Variants in CTNNB1 observed in about 807,000 individuals in gnomAD.
CTNNB1 encodes catenin beta 1.
In CTNNB1, 6 loss-of-function variants were observed where a neutral mutation model predicts 82.5. The ratio of observed to expected loss-of-function variants is 0.07; its 90% CI spans 0.04 to 0.14. The LOEUF (loss-of-function observed/expected upper bound fraction) is 0.14. Among genes scored for constraint, CTNNB1 ranks in the 10% least tolerant of loss-of-function variants. CTNNB1 has a pLI of 1.00. For missense variants in CTNNB1, 529 were observed against 980.4 expected (o/e 0.54, Z 6.15); for synonymous variants, 312 against 329.7 (o/e 0.95, Z 0.58).
intron 1 of CTNNB1, among the ~76,000 whole-genome samples, chr3:41,215,581 T>G (rs75263540): frequency 0.03 from 4,525 of 152,196 alleles, 108 homozygotes; most frequent in African/African-American, 0.068. Flanking sequence ...TTTCTAAATG[T>G]ACTGTCTCAG....
chr3:41,231,183 C>T (rs937346346), intron 7 of CTNNB1, among the ~76,000 whole-genome samples: 14 of 152,154 alleles, frequency 9.2e-5, no homozygotes, highest in East Asian at 1.9e-4. Flanking sequence ...AAAAGTTAGC[C>T]GGGCGTGGTG....
At chr3:41,230,583 T>C (rs905945991) in intron 7 of CTNNB1, among the ~76,000 whole-genome samples, 4 of 152,168 alleles carry the variant, frequency 2.6e-5, no homozygotes, top group African/African-American at 9.7e-5. Flanking sequence ...CTTAAAAATA[T>C]GTGATCCTAA....
intron 1 of CTNNB1, among the ~76,000 whole-genome samples, chr3:41,217,780 T>C (rs895976539): frequency 1.3e-5 from 2 of 152,216 alleles, no homozygotes; most frequent in African/African-American, 4.8e-5. Context: ...TTTGTATATA[T>C]TCATTGCTCA....
At chr3:41,199,958 G>C (rs2077484805) in intron 1 of CTNNB1, 1 of 146,940 alleles carries the variant, frequency 6.8e-6, no homozygotes, top group African/African-American at 2.6e-5. Context: ...GATGGCAGGC[G>C]GGGTGGGGGT....
intron 10 of CTNNB1, 135 bp from the exon 11 acceptor site, chr3:41,235,589 C>G: frequency 8.6e-7 from 1 of 1,166,432 alleles, no homozygotes; most frequent in South Asian, 1.3e-5. Flanking sequence ...TTAATGGAAT[C>G]CTTCTTCCTT....
intron 6 of CTNNB1, 76 bp from the exon 7 acceptor site, chr3:41,227,132 G>C (rs1261681992): frequency 8.1e-7 from 1 of 1,229,520 alleles, no homozygotes; most frequent in African/African-American, 1.5e-5. Flanking sequence ...TAATAAAATA[G>C]GTTGGTAATA....
At chr3:41,203,746 T>C (rs936310521) in intron 1 of CTNNB1, among the ~76,000 whole-genome samples, 1 of 152,224 alleles carries the variant, frequency 6.6e-6, no homozygotes, top group African/African-American at 2.4e-5. Context: ...CTTTGAATTT[T>C]TCCTTAAAAA....
intron 10 of CTNNB1, 88 bp downstream of exon 10, chr3:41,234,385 T>C: frequency 7.6e-7 from 1 of 1,321,226 alleles, no homozygotes; most frequent in Non-Finnish European, 1.1e-6. Flanking sequence ...GGTCATTGGT[T>C]CCCCCCATCC....
At chr3:41,204,075 T>C (rs2077593542) in intron 1 of CTNNB1, among the ~76,000 whole-genome samples, 1 of 151,982 alleles carries the variant, frequency 6.6e-6, no homozygotes, top group Admixed American at 6.6e-5. Flanking sequence ...ACTTAAGAAA[T>C]GTATTGCTAT....
At chr3:41,230,482 A>G (rs1467888828) in intron 7 of CTNNB1, among the ~76,000 whole-genome samples, 1 of 152,240 alleles carries the variant, frequency 6.6e-6, no homozygotes, top group African/African-American at 2.4e-5. Flanking sequence ...ATGTATTTTA[A>G]GAAATGGAAT....
At chr3:41,213,126 C>G in intron 1 of CTNNB1, among the ~76,000 whole-genome samples, 1 of 152,318 alleles carries the variant, frequency 6.6e-6, no homozygotes, top group Admixed American at 6.5e-5. Flanking sequence ...GAGAGCTCTA[C>G]GTGATCTGGC....
chr3:41,212,021 T>A (rs566501263), intron 1 of CTNNB1, among the ~76,000 whole-genome samples: 2 of 152,358 alleles, frequency 1.3e-5, no homozygotes, highest in East Asian at 1.9e-4. Flanking sequence ...ATATCCTTCA[T>A]CACCTGTTAC....
At chr3:41,199,853 C>G in intron 1 of CTNNB1, 183 bp downstream of exon 1, 1 of 150,308 alleles carries the variant, frequency 6.7e-6, no homozygotes, top group Non-Finnish European at 1.5e-5. Flanking sequence ...CGGAGGGCGG[C>G]GGCCGGGCCC....
intron 1 of CTNNB1, chr3:41,222,071 T>C (rs2078062561): frequency 6.6e-6 from 1 of 152,192 alleles, no homozygotes; most frequent in South Asian, 2.1e-4. Flanking sequence ...GTCAGTTTTT[T>C]CGTTGCTTTA....
chr3:41,202,094 A>G (rs192617463), intron 1 of CTNNB1, among the ~76,000 whole-genome samples: 1 of 152,386 alleles, frequency 6.6e-6, no homozygotes, highest in East Asian at 1.9e-4. Context: ...AAGTTTGAAT[A>G]TAATTATTTT....
At chr3:41,236,289 G>C in intron 11 of CTNNB1, 60 bp from the exon 12 acceptor site, 1 of 1,599,044 alleles carries the variant, frequency 6.3e-7, no homozygotes, top group Non-Finnish European at 8.6e-7. Context: ...CACCACAGTG[G>C]GGGGCTTGCC....
chr3:41,228,797 C>G (rs776185570), intron 7 of CTNNB1, among the ~76,000 whole-genome samples: 1 of 152,106 alleles, frequency 6.6e-6, no homozygotes, highest in Non-Finnish European at 1.5e-5. Context: ...GAAATCTTTG[C>G]CAGGTCTTAT....
At chr3:41,230,610 T>C (rs998099381) in intron 7 of CTNNB1, among the ~76,000 whole-genome samples, 2 of 152,162 alleles carry the variant, frequency 1.3e-5, no homozygotes, top group African/African-American at 2.4e-5. Context: ...ATGAGTGTTA[T>C]GGGAGAAATG....
chr3:41,216,545 C>G (rs762955202), intron 1 of CTNNB1, among the ~76,000 whole-genome samples: 1 of 152,186 alleles, frequency 6.6e-6, no homozygotes, highest in Non-Finnish European at 1.5e-5. Flanking sequence ...TTGGTTACCA[C>G]TTTTTTTATT....
Sources: gnomAD v4.1 joint callset for allele counts (sites outside exome capture counted in the v4.1 genomes callset) on GRCh38, gnomAD v4.1.1 for gene constraint, MANE v1.5 for transcripts, NCBI Gene and HGNC (gene_info 2026-07-23, HGNC 2026-07-21) for gene names.